SLC44A5: variants seen among roughly 807,000 people sequenced by gnomAD.
SLC44A5 encodes solute carrier family 44 member 5.
In SLC44A5, 57 loss-of-function variants were observed where a neutral mutation model predicts 101.8. The observed-to-expected ratio is 0.56, with a 90% CI of 0.45 to 0.70. SLC44A5 has a LOEUF of 0.70. Ranked by LOEUF, SLC44A5 falls within the 30% of genes least tolerant of loss-of-function variation. The pLI, the probability that SLC44A5 is intolerant of heterozygous loss-of-function variation, is 0.00. For missense variants in SLC44A5, 737 were observed against 853.1 expected (o/e 0.86, Z 1.70); for synonymous variants, 281 against 290.9 (o/e 0.97, Z 0.35).
intron 23 of SLC44A5, 136 bp from the exon 24 acceptor site, chr1:75,203,969 G>A: frequency 1.9e-6 from 2 of 1,052,946 alleles, no homozygotes; most frequent in Non-Finnish European, 2.6e-6. Context: ...TTTTTAAACA[G>A]CATAGTTTGG....
intron 5 of SLC44A5, among the ~76,000 whole-genome samples, chr1:75,289,136 A>G (rs924764980): frequency 1.3e-5 from 2 of 152,242 alleles, no homozygotes; most frequent in South Asian, 2.1e-4. Flanking sequence ...TGCGTCTTAC[A>G]TTTTCTGCTA....
rs547188352 is a variant in SLC44A5, at chr1:75,459,369, G to T, written c.14-62748C>A. 5.3e-5 allele frequency among the ~76,000 whole-genome samples: 8 copies of T among 152,240 alleles called. No homozygotes were observed. The East Asian group carries it at 1.5e-3, about 29-fold the overall frequency. ...AATTTATCCATTTTTTGGACATTCA[G>T]TTCTGAGCCTTGACAAATGTACATA... On this transcript the variant is annotated intron_variant, in intron 2 of 23. Transcript: ENST00000370859.
At chr1:75,612,750 C>T (rs1348538968), upstream of SLC44A5, among the ~76,000 whole-genome samples, 2 of 151,948 alleles carry the variant, frequency 1.3e-5, no homozygotes, top group Non-Finnish European at 2.9e-5. Context: ...AATAAATTAA[C>T]CTAAACATAA....
intron 4 of SLC44A5, among the ~76,000 whole-genome samples, chr1:75,337,009 A>T (rs1054121811): frequency 3.3e-5 from 5 of 152,210 alleles, no homozygotes; most frequent in Admixed American, 6.5e-5. Flanking sequence ...CATCTTAGCA[A>T]GAACTTTAAA....
At chr1:75,680,041 C>A in the SLC44A5 span, among the ~76,000 whole-genome samples, 1 of 152,184 alleles carries the variant, frequency 6.6e-6, no homozygotes, top group Non-Finnish European at 1.5e-5. Flanking sequence ...GTAAAGGGAT[C>A]AATTCAACAA....
intron 2 of SLC44A5, among the ~76,000 whole-genome samples, chr1:75,477,646 G>A (rs1457719510): frequency 1.3e-5 from 2 of 152,164 alleles, no homozygotes; most frequent in African/African-American, 4.8e-5. Flanking sequence ...GGAAGAAAGG[G>A]TATCAGTGAT....
intron 23 of SLC44A5, chr1:75,205,030 G>A (rs1646727023): frequency 6.6e-6 from 1 of 152,142 alleles, no homozygotes; most frequent in African/African-American, 2.4e-5. Context: ...ATGCTTCAAG[G>A]AGAATAAGAA....
intron 6 of SLC44A5, among the ~76,000 whole-genome samples, chr1:75,271,927 C>T (rs540607858): frequency 6.6e-6 from 1 of 152,250 alleles, no homozygotes; most frequent in South Asian, 2.1e-4. Context: ...ATTTACATTC[C>T]CACCAGCTAT....
chr1:75,412,190 G>A (rs1377838706), intron 2 of SLC44A5, among the ~76,000 whole-genome samples: 1 of 152,000 alleles, frequency 6.6e-6, no homozygotes, highest in East Asian at 1.9e-4. Flanking sequence ...TAAATGCAAG[G>A]ACTATATCTT....
chr1:75,408,796 A>T (rs1357763279), intron 2 of SLC44A5, among the ~76,000 whole-genome samples: 1 of 152,138 alleles, frequency 6.6e-6, no homozygotes, highest in Non-Finnish European at 1.5e-5. Flanking sequence ...ACCATGGCAC[A>T]TGTATACCTA....
At chr1:75,690,663 G>C in the SLC44A5 span, among the ~76,000 whole-genome samples, 1 of 152,252 alleles carries the variant, frequency 6.6e-6, no homozygotes, top group East Asian at 1.9e-4. Flanking sequence ...TTTGATCTAG[G>C]TTTTACCTAG....
intron 3 of SLC44A5, among the ~76,000 whole-genome samples, chr1:75,343,921 A>G (rs1383958266): frequency 6.6e-6 from 1 of 152,158 alleles, no homozygotes; most frequent in Non-Finnish European, 1.5e-5. Flanking sequence ...TTACAGGATG[A>G]TGTTCCCACT....
chr1:75,595,667 A>G (rs1026399231), intron 1 of SLC44A5, among the ~76,000 whole-genome samples: 1 of 152,118 alleles, frequency 6.6e-6, no homozygotes, highest in Non-Finnish European at 1.5e-5. Context: ...TCTTCCATTC[A>G]CTTGCATAAT....
At chr1:75,212,557 T>A (rs1022064756) in intron 22 of SLC44A5, among the ~76,000 whole-genome samples, 2 of 152,144 alleles carry the variant, frequency 1.3e-5, no homozygotes, top group Non-Finnish European at 2.9e-5. Flanking sequence ...TATTCCATGG[T>A]GTATTTGTAC....
intron 3 of SLC44A5, among the ~76,000 whole-genome samples, chr1:75,374,242 C>G (rs1009918135): frequency 6.6e-6 from 1 of 152,196 alleles, no homozygotes; most frequent in African/African-American, 2.4e-5. Flanking sequence ...ACAGTCAACA[C>G]ACAAGCTGAA....
intron 4 of SLC44A5, among the ~76,000 whole-genome samples, chr1:75,318,246 G>A (rs946317781): frequency 2.6e-5 from 4 of 151,830 alleles, no homozygotes; most frequent in Non-Finnish European, 4.4e-5. Flanking sequence ...ACAGGGTCAC[G>A]CACACCTGTA....
intron 18 of SLC44A5, among the ~76,000 whole-genome samples, chr1:75,216,596 C>T (rs1275042838): frequency 6.6e-6 from 1 of 151,872 alleles, no homozygotes; most frequent in African/African-American, 2.4e-5. Flanking sequence ...ACATTCTTAC[C>T]AACACTTGTT....
At chr1:75,376,754 A>G (rs1660650602) in intron 3 of SLC44A5, among the ~76,000 whole-genome samples, 1 of 152,176 alleles carries the variant, frequency 6.6e-6, no homozygotes, top group Non-Finnish European at 1.5e-5. Context: ...AAAACTGGAA[A>G]CTCTAAAAAG....
At chr1:75,264,546 G>A (rs75768824) in intron 6 of SLC44A5, among the ~76,000 whole-genome samples, 1,834 of 152,308 alleles carry the variant, frequency 0.012, 25 homozygotes, top group Non-Finnish European at 0.021. Context: ...CTGAATGACC[G>A]TTAGGTCAAG....
Sources: gnomAD v4.1 joint callset for allele counts (sites outside exome capture counted in the v4.1 genomes callset) on GRCh38, gnomAD v4.1.1 for gene constraint, MANE v1.5 for transcripts, NCBI Gene and HGNC (gene_info 2026-07-23, HGNC 2026-07-21) for gene names.